UGT1A10: variants seen among roughly 807,000 people sequenced by gnomAD.
UGT1A10 encodes the protein UDP-glucuronosyltransferase 1A10.
Under a neutral mutation model 45.8 loss-of-function variants are expected in UGT1A10, and 49 were observed. That is an observed-to-expected ratio of 1.07 (90% CI 0.85 to 1.36). The LOEUF is 1.36. UGT1A10 is among the 40% of genes most tolerant of loss of function. The pLI is 0.00. For synonymous variants in UGT1A10, 284 were observed against 249.7 expected (o/e 1.14, Z -1.29); for missense variants, 745 against 668.6 (o/e 1.11, Z -1.26).
intron 1 of UGT1A10, among the ~76,000 whole-genome samples, chr2:233,709,057 T>C (rs949719159): frequency 1.3e-5 from 2 of 151,522 alleles, no homozygotes; most frequent in African/African-American, 2.4e-5. Flanking sequence ...CCAGGATTCC[T>C]AGTTAAAGTT....
chr2:233,653,771 A>G (rs564232658), intron 1 of UGT1A10, among the ~76,000 whole-genome samples: 22 of 152,240 alleles, frequency 1.4e-4, no homozygotes, highest in Admixed American at 2.6e-4. Context: ...AAATTTTTGT[A>G]TTTTTAGTAG....
At chr2:233,692,866 A>G in intron 1 of UGT1A10, 2 of 1,480,832 alleles carry the variant, frequency 1.4e-6, no homozygotes, top group Admixed American at 2.7e-5. Context: ...CTTACATATC[A>G]AAGGGTAAAA....
Position 233,637,248 on chromosome 2 carries a change from T to C in UGT1A10, c.726T>C (p.Tyr242=), listed in dbSNP as rs750470380. 9.0e-5 allele frequency: 145 copies of C among 1,613,988 alleles called. No individual in the cohort carries two copies. Among genetic ancestry groups the C allele is most frequent in the Non-Finnish European group, 1.2e-4 (145 of 1,179,870 alleles). The change falls in exon 1 of 5, where the codon TAT becomes TAC. Residue 242 remains tyrosine (Y), a synonymous_variant. Coordinates refer to ENST00000344644, the MANE Select transcript of UGT1A10 (RefSeq NM_019075.4). The stretch of plus-strand genomic sequence containing the variant: ...TTCTCCAAACCCCTGTCACGGCATA[T>C]GATCTCTACAGTCACACATCAATTT... The part of the protein sequence containing the change: ...SEILQTPVTA[Y]DLYSHTSIWL...
At chr2:233,710,056 C>A (rs2076108009) in intron 1 of UGT1A10, among the ~76,000 whole-genome samples, 1 of 152,224 alleles carries the variant, frequency 6.6e-6, no homozygotes, top group Admixed American at 6.5e-5. Context: ...TTTGGCTCGG[C>A]ATAATGTCTC....
intron 1 of UGT1A10, chr2:233,760,364 A>G (rs1697418455): frequency 1.9e-6 from 3 of 1,614,036 alleles, no homozygotes; most frequent in Non-Finnish European, 2.5e-6. Flanking sequence ...GTGGTGTCCC[A>G]TGCTGGGAAG....
intron 1 of UGT1A10, chr2:233,755,543 A>C (rs1450453289): frequency 6.3e-6 from 1 of 158,400 alleles, no homozygotes; most frequent in African/African-American, 2.4e-5. Flanking sequence ...CATGGTCTCC[A>C]AAAAGGATGG....
chr2:233,686,477 A>G (rs1028028243), intron 1 of UGT1A10, among the ~76,000 whole-genome samples: 3 of 151,912 alleles, frequency 2.0e-5, no homozygotes, highest in South Asian at 2.1e-4. Flanking sequence ...TTCCTTTCCT[A>G]TGAAACTTTC....
chr2:233,747,643 C>T (rs1693738898), intron 1 of UGT1A10: 1 of 1,585,416 alleles, frequency 6.3e-7, no homozygotes, highest in East Asian at 2.2e-5. Context: ...CTGAATGCTA[C>T]TTCCTTCGAT....
At position 233,664,775 on chromosome 2, in the gene UGT1A10, G is replaced by T. The variant is rs1387218105; in HGVS notation, c.855+27398G>T. 2.6e-5 allele frequency among the ~76,000 whole-genome samples: 4 copies of T among 152,182 alleles called. No individual in the cohort carries two copies. The East Asian group carries it at 7.7e-4, about 29-fold the overall frequency. On this transcript the variant is annotated intron_variant, in intron 1 of 4. Coordinates refer to ENST00000344644, the MANE Select transcript of UGT1A10 (RefSeq NM_019075.4). The stretch of plus-strand genomic sequence containing the variant: ...TATCATATTTCAACATGAGATTTGG[G>T]TGGGGACAAATATCCAAGCTATAAC...
intron 1 of UGT1A10, among the ~76,000 whole-genome samples, chr2:233,669,222 A>G (rs553515955): frequency 2.4e-4 from 37 of 152,028 alleles, no homozygotes; most frequent in Admixed American, 6.5e-4. Context: ...TAGATTTGTA[A>G]TAAGTCTTGA....
rs1180663436 is a variant in UGT1A10, at chr2:233,636,987, A to C, written c.465A>C (p.Leu155Phe). ...TGGATCCTTTTGATACCTGTGGCTT[A>C]ATTGTTGCTAAATATTTCTCCCTCC... ...VFLDPFDTCG[L>F]IVAKYFSLPS... The change falls in exon 1 of 5, where the codon TTA becomes TTC. Residue 155 changes from leucine (L) to phenylalanine (F), a missense_variant. Transcript: ENST00000344644. 1.9e-6 allele frequency: 3 copies of C among 1,613,938 alleles called. No homozygotes were observed. The African/African-American group carries it at 4.0e-5, about 22-fold the overall frequency.
At chr2:233,743,643 T>G in intron 1 of UGT1A10, 3 of 1,367,286 alleles carry the variant, frequency 2.2e-6, no homozygotes, top group Non-Finnish European at 2.9e-6. Context: ...TCGCGGAAGC[T>G]GAAGACGTAC....
chr2:233,760,572 C>T (rs1697490823), intron 1 of UGT1A10: 12 of 1,614,062 alleles, frequency 7.4e-6, no homozygotes, highest in East Asian at 2.2e-5. Context: ...TTGTTAGTCT[C>T]GGGCATAATG....
Position 233,731,690 on chromosome 2 carries a change from G to C in UGT1A10, c.856-35344G>C, listed in dbSNP as rs183220610. ...TTCTTAATCCAGTCTATCATTGATG[G>C]ACATTTGGATTGGTTCCAGGTCTTT... On this transcript the variant is annotated intron_variant, in intron 1 of 4. Coordinates refer to ENST00000344644, the MANE Select transcript of UGT1A10 (RefSeq NM_019075.4). 7.2e-5 allele frequency among the ~76,000 whole-genome samples: 11 copies of C among 152,322 alleles called. No individual in the cohort carries two copies. The East Asian group carries it at 2.1e-3, about 29-fold the overall frequency.
At chr2:233,765,256 G>A (rs1698788052) in intron 1 of UGT1A10, among the ~76,000 whole-genome samples, 1 of 152,096 alleles carries the variant, frequency 6.6e-6, no homozygotes, top group African/African-American at 2.4e-5. Flanking sequence ...CCATTACTGG[G>A]TATATACCCA....
intron 1 of UGT1A10, chr2:233,690,841 GT>G: frequency 2.8e-6 from 3 of 1,069,274 alleles, no homozygotes; most frequent in Non-Finnish European, 3.4e-6. Context: ...AAAGAAAAAT[GT>G]TTTCTAATAC....
chr2:233,659,268 T>C (rs2073917941), intron 1 of UGT1A10, among the ~76,000 whole-genome samples: 1 of 152,144 alleles, frequency 6.6e-6, no homozygotes, highest in Non-Finnish European at 1.5e-5. Flanking sequence ...ACCTCGCAGG[T>C]AGTCTAAAAT....
At chr2:233,721,643 G>A (rs953438688) in intron 1 of UGT1A10, 2 of 207,656 alleles carry the variant, frequency 9.6e-6, no homozygotes, top group Non-Finnish European at 2.0e-5. Context: ...TCTTGAATGT[G>A]GCAGTGGGGG....
intron 1 of UGT1A10, chr2:233,682,339 A>G: frequency 6.2e-7 from 1 of 1,614,114 alleles, no homozygotes; most frequent in Non-Finnish European, 8.5e-7. Flanking sequence ...GAAAATTAGT[A>G]GAATACTTAA....
Sources: gnomAD v4.1 joint callset for allele counts (sites outside exome capture counted in the v4.1 genomes callset) on GRCh38, gnomAD v4.1.1 for gene constraint, MANE v1.5 for transcripts, NCBI Gene and HGNC (gene_info 2026-07-23, HGNC 2026-07-21) for gene names.